RNF128: variants seen among roughly 807,000 people sequenced by gnomAD.
The protein encoded by RNF128 is ring finger protein 128, also known as E3 ubiquitin-protein ligase RNF128.
In RNF128, 13 loss-of-function variants were observed where a neutral mutation model predicts 26.2. The observed-to-expected ratio is 0.50, with a 90% confidence interval of 0.32 to 0.79. The LOEUF is 0.79. RNF128 is among the 30% of genes least tolerant of loss of function. RNF128 has a pLI of 0.03. For missense variants in RNF128, 315 were observed against 349.7 expected (o/e 0.90, Z 0.79); for synonymous variants, 149 against 142.5 (o/e 1.05, Z -0.32).
At chrX:106,730,319 T>G (rs2147669573) in intron 1 of RNF128, among the ~76,000 whole-genome samples, 1 of 112,420 alleles carries the variant, frequency 8.9e-6, no homozygotes, top group African/African-American at 3.2e-5. Flanking sequence ...CACAGATAAA[T>G]AATTGCAAAT....
At chrX:106,722,908 AC>A (rs1929338562), upstream of RNF128, among the ~76,000 whole-genome samples, 1 of 110,755 alleles carries the variant, frequency 9.0e-6, no homozygotes, top group African/African-American at 3.3e-5. Flanking sequence ...TTAATGACTC[AC>A]GTTATCAAGC....
upstream of RNF128, among the ~76,000 whole-genome samples, chrX:106,724,405 C>G (rs182879132): frequency 7.6e-4 from 84 of 111,083 alleles, no homozygotes; most frequent in African/African-American, 2.7e-3. Flanking sequence ...AACTTCAGAT[C>G]TGATTCTATT....
chrX:106,726,331 C>T (rs957819001), upstream of RNF128, among the ~76,000 whole-genome samples: 1 of 111,288 alleles, frequency 9.0e-6, no homozygotes, highest in Non-Finnish European at 1.9e-5. Flanking sequence ...ATTCCCTTGA[C>T]TACAACTCAG....
intron 1 of RNF128, among the ~76,000 whole-genome samples, chrX:106,763,346 A>G (rs1930150539): frequency 9.0e-6 from 1 of 111,315 alleles, no homozygotes; most frequent in Admixed American, 9.5e-5. Context: ...GGATTCAAAC[A>G]TGATTCTGAG....
At position 106,727,383 on chromosome X, in the gene RNF128, C is replaced by T. The variant is rs1602369608; in HGVS notation, c.470C>T (p.Pro157Leu). The stretch of plus-strand genomic sequence containing the variant: ...CCCGGGACCCGCAATGAGGTCATCC[C>T]CATGTCTCACCCGGGTGAGTGCAGC... ...NFPGTRNEVI[P>L]MSHPGAVDIV... Residue 157 changes from proline to leucine, a missense_variant, in exon 1 of 7, where the codon CCC (proline) becomes CTC (leucine). Transcript: ENST00000255499. The T allele has an allele frequency of 3.3e-6, 4 of 1,211,274 alleles. No homozygotes were observed. The highest frequency in any genetic ancestry group is 2.3e-4 in the Middle Eastern group (1 of 4,353).
At chrX:106,711,697 AT>A (rs200846586) in intron 1 of RNF128, among the ~76,000 whole-genome samples, 1,538 of 111,628 alleles carry the variant, frequency 0.014, 8 homozygotes, top group Non-Finnish European at 0.02. Context: ...ATTTTTCCAT[AT>A]TTTTTAAATT....
At position 106,707,705 on chromosome X, in the gene RNF128, G is replaced by A. The variant is rs773152733; in HGVS notation, c.406+13297G>A. On this transcript the variant is annotated intron_variant, in intron 1 of 6. Transcript: ENST00000324342. ...CCCAACAATATTCTCCTCCCTATTAGCATGCTGTCTAAAATTTCATCCTTC... is the reference window on the plus strand; with the variant it reads ...CCCAACAATATTCTCCTCCCTATTAACATGCTGTCTAAAATTTCATCCTTC... 2.7e-5 allele frequency among the ~76,000 whole-genome samples: 3 copies of A among 109,704 alleles called. No homozygotes were observed. The South Asian group carries it at 1.2e-3, about 43-fold the overall frequency.
At chrX:106,734,478 T>C (rs1929554433) in intron 1 of RNF128, among the ~76,000 whole-genome samples, 1 of 111,821 alleles carries the variant, frequency 8.9e-6, no homozygotes, top group African/African-American at 3.3e-5. Context: ...GTTTCCCTGT[T>C]GCTTTTAAGT....
intron 1 of RNF128, among the ~76,000 whole-genome samples, chrX:106,753,017 G>A (rs1929926933): frequency 9.0e-6 from 1 of 111,154 alleles, no homozygotes; most frequent in African/African-American, 3.3e-5. Context: ...CACAGTCAGA[G>A]GAGACAAAAA....
chrX:106,715,428 T>A (rs1929197137), intron 1 of RNF128, among the ~76,000 whole-genome samples: 1 of 112,436 alleles, frequency 8.9e-6, no homozygotes. Flanking sequence ...TACATAGGAA[T>A]TCAAATAATC....
chrX:106,698,884 T>A (rs1172854923), intron 1 of RNF128, among the ~76,000 whole-genome samples: 1 of 111,144 alleles, frequency 9.0e-6, no homozygotes, highest in Non-Finnish European at 1.9e-5. Context: ...TCTCACTCCC[T>A]CCTCTTCTAC....
chrX:106,694,323 A>G, exon 1 of RNF128: 1 of 1,210,394 alleles, frequency 8.3e-7, no homozygotes, highest in East Asian at 3.0e-5. Context: ...AAAAAATTCA[A>G]ACAGCGGGCA....
chrX:106,753,589 G>A (rs1298270653), intron 1 of RNF128, among the ~76,000 whole-genome samples: 1 of 110,928 alleles, frequency 9.0e-6, no homozygotes, highest in Non-Finnish European at 1.9e-5. Flanking sequence ...AATAAAATGG[G>A]AAGGGAGTAA....
intron 1 of RNF128, among the ~76,000 whole-genome samples, chrX:106,707,505 A>G (rs954523060): frequency 9.0e-6 from 1 of 111,462 alleles, no homozygotes; most frequent in African/African-American, 3.3e-5. Flanking sequence ...TAGAATTTCA[A>G]TGTTTTTACC....
chrX:106,713,655 T>C (rs1184769422), intron 1 of RNF128, among the ~76,000 whole-genome samples: 2 of 112,070 alleles, frequency 1.8e-5, no homozygotes, highest in African/African-American at 6.5e-5. Context: ...ATATAGTTAA[T>C]GCAACTGAAA....
intron 1 of RNF128, among the ~76,000 whole-genome samples, chrX:106,704,070 G>C (rs1929001263): frequency 9.1e-6 from 1 of 109,902 alleles, no homozygotes; most frequent in Non-Finnish European, 1.9e-5. Flanking sequence ...TGGCCAAGCA[G>C]AGAGGAAGGT....
chrX:106,760,915 G>T (rs1271825376), intron 1 of RNF128, among the ~76,000 whole-genome samples: 1 of 111,727 alleles, frequency 9.0e-6, no homozygotes, highest in Non-Finnish European at 1.9e-5. Flanking sequence ...ACAAAAGTTG[G>T]CAAATGCAAC....
intron 4 of RNF128, among the ~76,000 whole-genome samples, chrX:106,789,086 G>GTATATATACTATATATAGTA (rs771285592): frequency 9.8e-5 from 8 of 81,322 alleles, no homozygotes; most frequent in African/African-American, 3.7e-4. Flanking sequence ...ATACTATATA[G>GTATATATACTATATATAGTA]TATATAGTAT....
At chrX:106,757,886 C>G (rs766218301) in intron 1 of RNF128, among the ~76,000 whole-genome samples, 16 of 111,506 alleles carry the variant, frequency 1.4e-4, no homozygotes, top group African/African-American at 4.9e-4. Flanking sequence ...TGGAACAGGA[C>G]AGATATATCC....
Sources: allele counts gnomAD v4.1 joint callset (sites outside exome capture counted in the v4.1 genomes callset), GRCh38; gene constraint gnomAD v4.1.1; transcripts MANE v1.5; gene names NCBI Gene and HGNC (gene_info 2026-07-23, HGNC 2026-07-21).